GLCCI1: variants seen among roughly 807,000 people sequenced by gnomAD.
GLCCI1 encodes the protein glucocorticoid-induced transcript 1 protein.
Under a neutral mutation model 52.2 loss-of-function variants are expected in GLCCI1, and 24 were observed. The ratio of observed to expected loss-of-function variants is 0.46; its 90% CI spans 0.33 to 0.65. The LOEUF is 0.65. GLCCI1 is among the 30% of genes least tolerant of loss of function. GLCCI1 has a pLI of 0.02. For missense variants in GLCCI1, 704 were observed against 701.5 expected, an observed-to-expected ratio of 1.00 and a Z score of -0.04; for synonymous variants, 310 against 276.5, an observed-to-expected ratio of 1.12 and a Z score of -1.20.
Position 7,968,826 on chromosome 7 carries a change from A to AGCGGCGGCG in GLCCI1, c.-512_-504dup, listed in dbSNP as rs570249106. 1.7e-4 allele frequency: 27 copies of AGCGGCGGCG among 160,242 alleles called. No individual in the cohort carries two copies. The highest frequency in any genetic ancestry group is 6.4e-4 in the Admixed American group (10 of 15,530). 9.9% of individuals were successfully genotyped at this position (160,242 alleles called of 1,614,324 possible). A position where few individuals can be genotyped will look rare whatever the true frequency, so the allele number is the denominator to read the frequency against. ...CCATTCGGAGTGAGGAGTGGGTAGA[A>AGCGGCGGCG]GCGGCGGCGGCGGCGGCGGCGTTTG... On this transcript the variant is annotated 5_prime_UTR_variant, in exon 1 of 8. Transcript: ENST00000223145.
Position 8,025,488 on chromosome 7 carries a change from C to A in GLCCI1, c.696+2919C>A, listed in dbSNP as rs571857300. 4.0e-5 allele frequency among the ~76,000 whole-genome samples: 6 copies of A among 151,500 alleles called. No homozygotes were observed. In the South Asian group the frequency reaches 1.2e-3, roughly 32 times the overall value. On this transcript the variant is annotated intron_variant, in intron 3 of 7. Transcript: ENST00000223145. ...AACAGATTTGCGATGGCAGAAGAATCAATGAATTAGAAGATAAGTCAATAG... is the reference window on the plus strand; with the variant it reads ...AACAGATTTGCGATGGCAGAAGAATAAATGAATTAGAAGATAAGTCAATAG...
intron 2 of GLCCI1, among the ~76,000 whole-genome samples, chr7:8,016,243 G>A (rs1486791321): frequency 2.0e-5 from 3 of 152,224 alleles, no homozygotes; most frequent in East Asian, 3.9e-4. Flanking sequence ...ACCGAGGTGG[G>A]CAGATCATGA....
chr7:8,023,363 T>C (rs1486708412), intron 3 of GLCCI1, among the ~76,000 whole-genome samples: 3 of 152,264 alleles, frequency 2.0e-5, no homozygotes. Flanking sequence ...TAATCCATGC[T>C]TCTCAGAAAC....
chr7:8,005,123 A>G (rs959813967), intron 2 of GLCCI1, among the ~76,000 whole-genome samples: 1 of 152,216 alleles, frequency 6.6e-6, no homozygotes, highest in African/African-American at 2.4e-5. Flanking sequence ...CCAAATAGAA[A>G]TAACTAGCAA....
chr7:7,987,456 C>T (rs550169026), intron 1 of GLCCI1, among the ~76,000 whole-genome samples: 1 of 152,306 alleles, frequency 6.6e-6, no homozygotes, highest in East Asian at 1.9e-4. Context: ...ATGTCAGTTT[C>T]TTGAGGGCAG....
chr7:7,991,846 A>C (rs1780843664), intron 1 of GLCCI1, among the ~76,000 whole-genome samples: 1 of 152,132 alleles, frequency 6.6e-6, no homozygotes, highest in East Asian at 1.9e-4. Context: ...ATGCACTTGG[A>C]ACTTTGTGAG....
Position 7,969,733 on chromosome 7 carries a change from C to G in GLCCI1, c.383C>G (p.Pro128Arg), listed in dbSNP as rs761465295. 1.4e-6 allele frequency: 2 copies of G among 1,446,148 alleles called. No individual in the cohort carries two copies. The highest frequency in any genetic ancestry group is 2.5e-5 in the South Asian group (2 of 78,616). The allele number at this position is 1,446,148 out of a possible 1,614,324, so 89.6% of individuals were successfully genotyped here. Residue 128 changes from proline (P) to arginine (R), a missense_variant, in exon 1 of 8, where the codon CCG (proline) becomes CGG (arginine). Physicochemically the swap from Pro to Arg is moderately radical, Grantham distance 103. Transcript: ENST00000223145. This position sits in a 1 kb window ranked among gnomAD's most constrained non-coding sequence, Gnocchi z 4.9. ...AEQAPRAKGR[P>R]RRSPESHRRS... ...CAGGCGCCGCGGGCCAAGGGCCGCC[C>G]GAGACGGTCCCCAGAGAGCCACCGG... is the stretch of plus-strand genomic sequence containing the variant.
At chr7:8,008,246 A>G (rs962479859) in intron 2 of GLCCI1, among the ~76,000 whole-genome samples, 10 of 150,146 alleles carry the variant, frequency 6.7e-5, no homozygotes, top group African/African-American at 2.5e-4. Flanking sequence ...TCTGATAACC[A>G]CTATTCTACT....
chr7:8,077,615 T>C (rs1162580758), intron 6 of GLCCI1, among the ~76,000 whole-genome samples: 1 of 145,376 alleles, frequency 6.9e-6, no homozygotes, highest in Non-Finnish European at 1.5e-5. Context: ...AGAATTGTTA[T>C]GATGATTAAA....
chr7:8,022,100 T>A (rs10229643), intron 2 of GLCCI1, among the ~76,000 whole-genome samples: 64,533 of 152,064 alleles, frequency 0.42, 13,972 homozygotes, highest in Middle Eastern at 0.52. Flanking sequence ...CTATTGCTTT[T>A]GAGATACTTT....
intron 4 of GLCCI1, among the ~76,000 whole-genome samples, chr7:8,058,271 G>A (rs76585335): frequency 6.6e-6 from 1 of 152,140 alleles, no homozygotes; most frequent in Non-Finnish European, 1.5e-5. Context: ...ACATAAATGG[G>A]AAGTCTTAAC....
At chr7:8,085,782 C>T (rs1345697985) in intron 7 of GLCCI1, among the ~76,000 whole-genome samples, 6 of 152,026 alleles carry the variant, frequency 3.9e-5, no homozygotes, top group African/African-American at 1.2e-4. Context: ...GGAAGTCTAT[C>T]TAGAAAGAAA....
chr7:8,067,193 T>A (rs1231655890), intron 5 of GLCCI1, among the ~76,000 whole-genome samples: 2 of 152,214 alleles, frequency 1.3e-5, no homozygotes, highest in Admixed American at 6.5e-5. Context: ...GAAATTAGAA[T>A]AGCAATCTTG....
At chr7:8,064,567 T>C (rs1235892454) in intron 5 of GLCCI1, among the ~76,000 whole-genome samples, 1 of 152,216 alleles carries the variant, frequency 6.6e-6, no homozygotes, top group African/African-American at 2.4e-5. Context: ...TGCCTAGGAC[T>C]ACCTTGGCTG....
chr7:8,026,471 A>G (rs1781623034), intron 3 of GLCCI1, among the ~76,000 whole-genome samples: 1 of 152,264 alleles, frequency 6.6e-6, no homozygotes, highest in African/African-American at 2.4e-5. Flanking sequence ...ACCCAAAATC[A>G]AGTGAGCAAC....
intron 1 of GLCCI1, among the ~76,000 whole-genome samples, chr7:7,976,500 G>GAAAAAAAAAAA (rs1562413220): frequency 1.3e-5 from 1 of 77,812 alleles, no homozygotes; most frequent in African/African-American, 5.5e-5. Flanking sequence ...AAAAAAAAAG[G>GAAAAAAAAAAA]AAAGGAAAAA....
intron 3 of GLCCI1, among the ~76,000 whole-genome samples, chr7:8,038,385 G>A (rs1386735913): frequency 6.6e-6 from 1 of 152,144 alleles, no homozygotes; most frequent in Non-Finnish European, 1.5e-5. Flanking sequence ...CAAGGCTATT[G>A]TACCCAAAAC....
chr7:8,064,086 T>C (rs1028317328), intron 5 of GLCCI1, among the ~76,000 whole-genome samples: 10 of 152,362 alleles, frequency 6.6e-5, no homozygotes, highest in African/African-American at 2.4e-4. Context: ...CCTATTGTTG[T>C]GCAGAAGCTC....
At chr7:8,055,323 C>T in intron 3 of GLCCI1, 110 bp from the exon 4 acceptor site, 2 of 557,096 alleles carry the variant, frequency 3.6e-6, no homozygotes, top group Non-Finnish European at 6.2e-6. Flanking sequence ...ATTGTCTCTT[C>T]TTAGAAACTT....
Sources: allele counts gnomAD v4.1 joint callset (sites outside exome capture counted in the v4.1 genomes callset), GRCh38; gene constraint gnomAD v4.1.1; non-coding constraint Gnocchi (gnomAD v3.1); transcripts MANE v1.5; gene names NCBI Gene and HGNC (gene_info 2026-07-23, HGNC 2026-07-21).